Variants in ANKRD13A observed in about 807,000 individuals in gnomAD.
The protein encoded by ANKRD13A is ankyrin repeat domain-containing protein 13A.
ANKRD13A carries 48 observed loss-of-function variants against 81.3 expected under a neutral mutation model. The ratio of observed to expected loss-of-function variants is 0.59; its 90% CI spans 0.47 to 0.75. The LOEUF is 0.75. Ranked by LOEUF, ANKRD13A falls within the 30% of genes least tolerant of loss-of-function variation. ANKRD13A has a pLI of 0.00. For missense variants in ANKRD13A, 612 were observed against 734.0 expected, an observed-to-expected ratio of 0.83 and a Z score of 1.92; for synonymous variants, 230 against 270.1, an observed-to-expected ratio of 0.85 and a Z score of 1.45.
Position 110,037,383 on chromosome 12 carries a change from C to G in ANKRD13A, c.1602C>G (p.Thr534=). The part of the protein sequence containing the change: ...YERAIQESLL[T]STEGLCPSAL... ...GGGCCATCCAGGAGAGCCTCCTCAC[C>G]AGCACAGAAGGCCTGTGCCCCAGCG... Residue 534 remains threonine (T), a synonymous_variant, in exon 15 of 15, where the codon ACC becomes ACG. Transcript: ENST00000261739. 1 of 1,614,146 alleles carries G rather than the reference C, an allele frequency of 6.2e-7. No individual in the cohort carries two copies. Among genetic ancestry groups the G allele is most frequent in the Middle Eastern group, 1.6e-4 (1 of 6,062 alleles).
chr12:110,016,632 C>T (rs1268108245), intron 4 of ANKRD13A, among the ~76,000 whole-genome samples, 199 bp downstream of exon 4: 1 of 152,150 alleles, frequency 6.6e-6, no homozygotes, highest in Non-Finnish European at 1.5e-5. Context: ...ATCCGGTCTT[C>T]CCCGCCATGC....
chr12:110,028,430 C>T, intron 9 of ANKRD13A, 82 bp from the exon 10 acceptor site: 1 of 1,521,848 alleles, frequency 6.6e-7, no homozygotes, highest in Admixed American at 1.9e-5. Flanking sequence ...TTAACACGTC[C>T]ACCTCAGACA....
intron 2 of ANKRD13A, among the ~76,000 whole-genome samples, chr12:110,012,827 T>C (rs1890596485): frequency 6.6e-6 from 1 of 152,218 alleles, no homozygotes; most frequent in Non-Finnish European, 1.5e-5. Context: ...CACAGTTACA[T>C]GTTGTGTGAT....
intron 6 of ANKRD13A, chr12:110,021,320 T>G (rs1593216484): frequency 7.8e-6 from 2 of 256,786 alleles, no homozygotes; most frequent in East Asian, 9.1e-5. Flanking sequence ...GTATAAAAAG[T>G]GTGTGAATTT....
At position 109,999,650 on chromosome 12, in the gene ANKRD13A, T is replaced by C. The variant is rs1401346203; in HGVS notation, c.-39T>C. On this transcript the variant is annotated 5_prime_UTR_variant, in exon 1 of 15. Transcript: ENST00000261739. The surrounding 1 kb of genome is among the most constrained non-coding windows in gnomAD (Gnocchi z 4.3). ...GGGAGACCCCGCCGGGGCCGAGACT[T>C]GGGGCGGGCGACGAGGACCAGGTTA... The C allele has an allele frequency of 4.7e-6, 7 of 1,487,914 alleles. No individual in the cohort carries two copies. The highest frequency in any genetic ancestry group is 6.3e-6 in the Non-Finnish European group (7 of 1,111,838). 92.2% of individuals were successfully genotyped at this position (1,487,914 alleles called of 1,614,324 possible). A position where few individuals can be genotyped will look rare whatever the true frequency, so the allele number is the denominator to read the frequency against.
chr12:110,001,602 G>A (rs1387456969), intron 1 of ANKRD13A, among the ~76,000 whole-genome samples: 1 of 151,954 alleles, frequency 6.6e-6, no homozygotes, highest in African/African-American at 2.4e-5. Flanking sequence ...TGTATTTTTA[G>A]TGGAGGTGGT....
chr12:110,033,378 T>G (rs2137180997), intron 12 of ANKRD13A, among the ~76,000 whole-genome samples: 1 of 152,240 alleles, frequency 6.6e-6, no homozygotes, highest in African/African-American at 2.4e-5. Flanking sequence ...GATAGTGTTC[T>G]GTGTCTTAGG....
intron 12 of ANKRD13A, among the ~76,000 whole-genome samples, chr12:110,031,560 A>G (rs1235806394): frequency 1.3e-5 from 2 of 152,144 alleles, no homozygotes; most frequent in Admixed American, 1.3e-4. Context: ...CATGTTGGCT[A>G]GGCTGGTCTG....
chr12:110,024,305 G>GA (rs1891213883), intron 7 of ANKRD13A, among the ~76,000 whole-genome samples, 193 bp downstream of exon 7: 1 of 152,034 alleles, frequency 6.6e-6, no homozygotes, highest in African/African-American at 2.4e-5. Flanking sequence ...AGCATGCCCT[G>GA]AGGAGGTCTG....
At position 110,027,754 on chromosome 12, in the gene ANKRD13A, T is replaced by A. The variant is rs1325078218; in HGVS notation, c.933T>A (p.Phe311Leu). The change falls in exon 9 of 15, where the codon TTT (phenylalanine) becomes TTA (leucine). Residue 311 changes from phenylalanine (F) to leucine (L), a missense_variant. By Grantham distance (22) the Phe-to-Leu change is conservative (BLOSUM62 0). Coordinates refer to ENST00000261739, the MANE Select transcript of ANKRD13A (RefSeq NM_033121.2). Reference protein sequence around the residue: ...ESLLGTVEHQFGAQGDLTTEC... With the variant: ...ESLLGTVEHQLGAQGDLTTEC... The stretch of plus-strand genomic sequence containing the variant: ...TGCTGGGAACTGTGGAACACCAATT[T>A]GGTGCACAAGGGGTAAGTTGAAGCA... 1 of 1,614,134 alleles carries A rather than the reference T, an allele frequency of 6.2e-7. No homozygotes were observed. Among genetic ancestry groups the A allele is most frequent in the East Asian group, 2.2e-5 (1 of 44,878 alleles).
chr12:110,035,284 T>C (rs909904160), intron 13 of ANKRD13A, among the ~76,000 whole-genome samples: 1 of 152,186 alleles, frequency 6.6e-6, no homozygotes, highest in Non-Finnish European at 1.5e-5. Context: ...ACTACCAGTA[T>C]TGAATTGTGT....
intron 6 of ANKRD13A, 109 bp downstream of exon 6, chr12:110,019,437 A>G (rs947985385): frequency 9.6e-7 from 1 of 1,044,026 alleles, no homozygotes; most frequent in Admixed American, 3.1e-5. Context: ...TTCTAATATG[A>G]CATAATAAAC....
chr12:110,012,839 G>C (rs973282653), intron 2 of ANKRD13A, among the ~76,000 whole-genome samples: 3 of 152,152 alleles, frequency 2.0e-5, no homozygotes, highest in Non-Finnish European at 4.4e-5. Flanking sequence ...TTGTGTGATC[G>C]TATAGTTAAA....
chr12:110,000,540 A>G (rs1470727726), intron 1 of ANKRD13A, among the ~76,000 whole-genome samples: 7 of 151,950 alleles, frequency 4.6e-5, no homozygotes, highest in Non-Finnish European at 8.8e-5. Context: ...GTTGGAGGTG[A>G]TTTTGCACCC....
chr12:110,033,124 G>A (rs1891797695), intron 12 of ANKRD13A, among the ~76,000 whole-genome samples: 1 of 150,126 alleles, frequency 6.7e-6, no homozygotes, highest in South Asian at 2.1e-4. Context: ...TGCGATCTTG[G>A]CTCACTGCAA....
Position 110,013,165 on chromosome 12 carries a change from G to A in ANKRD13A, c.270G>A (p.Val90=), listed in dbSNP as rs1361614876. The change falls in exon 3 of 15, where the codon GTG becomes GTA. Residue 90 remains valine, a synonymous_variant. Coordinates refer to ENST00000261739, the MANE Select transcript of ANKRD13A (RefSeq NM_033121.2). The part of the protein sequence containing the change: ...EAVSTGDPEM[V]YTVLQHRDYH... ...TGAGCACTGGCGATCCTGAGATGGT[G>A]TACACAGTTCTCCAACATCGAGACT... 1.2e-6 allele frequency: 2 copies of A among 1,614,126 alleles called. No individual in the cohort carries two copies. Among genetic ancestry groups the A allele is most frequent in the Non-Finnish European group, 1.7e-6 (2 of 1,180,014 alleles).
Position 110,018,714 on chromosome 12 carries a change from T to A in ANKRD13A, c.544+226T>A, listed in dbSNP as rs750432364. On this transcript the variant is annotated intron_variant, in intron 5 of 14. Coordinates refer to ENST00000261739, the MANE Select transcript of ANKRD13A (RefSeq NM_033121.2). The surrounding 1 kb of genome is among the most constrained non-coding windows in gnomAD (Gnocchi z 4.4). ...CCACCCAGCAGTTACCCTTGTGATG[T>A]GTCTGCTTCACTTTCCTGAGCCTTT... Among the ~76,000 whole-genome samples the A allele has an allele frequency of 3.3e-5, 5 of 152,224 alleles. No individual in the cohort carries two copies. Among genetic ancestry groups the A allele is most frequent in the Non-Finnish European group, 7.3e-5 (5 of 68,040 alleles).
chr12:110,024,410 TA>T (rs76440971), intron 7 of ANKRD13A, among the ~76,000 whole-genome samples: 265 of 143,788 alleles, frequency 1.8e-3, no homozygotes, highest in African/African-American at 3.0e-3. Context: ...CTTAATTATT[TA>T]AAAAAAAAAA....
intron 3 of ANKRD13A, among the ~76,000 whole-genome samples, chr12:110,014,590 G>A (rs1436497293): frequency 1.3e-5 from 2 of 152,128 alleles, no homozygotes; most frequent in Non-Finnish European, 2.9e-5. Context: ...TCTTTCAACA[G>A]TATCTCCTTA....
Sources: gnomAD v4.1 joint callset for allele counts (sites outside exome capture counted in the v4.1 genomes callset) on GRCh38, gnomAD v4.1.1 for gene constraint, Gnocchi (gnomAD v3.1) non-coding constraint, MANE v1.5 for transcripts, NCBI Gene and HGNC (gene_info 2026-07-23, HGNC 2026-07-21) for gene names.